Variants in NSUN3 observed in about 807,000 individuals in gnomAD.
The protein encoded by NSUN3 is tRNA (cytosine(34)-C(5))-methyltransferase, mitochondrial.
In NSUN3, 24 loss-of-function variants were observed where a neutral mutation model predicts 36.8. The observed-to-expected ratio is 0.65, with a 90% CI of 0.47 to 0.92. The LOEUF (loss-of-function observed/expected upper bound fraction) is 0.92, where lower values mean the gene tolerates loss of function less well. NSUN3 is among the 40% of genes least tolerant of loss of function. NSUN3 has a pLI of 0.00. For synonymous variants in NSUN3, 146 were observed against 145.2 expected (o/e 1.01, Z -0.04); for missense variants, 381 against 392.8 (o/e 0.97, Z 0.25).
At chr3:94,121,963 G>A (rs981227978) in intron 5 of NSUN3, among the ~76,000 whole-genome samples, 3 of 151,784 alleles carry the variant, frequency 2.0e-5, no homozygotes, top group African/African-American at 7.3e-5. Context: ...TGGCCAACAT[G>A]GTGAAACCCC....
chr3:94,081,526 G>GC (rs1285627283), intron 2 of NSUN3: 1 of 152,142 alleles, frequency 6.6e-6, no homozygotes, highest in African/African-American at 2.4e-5. Context: ...TTTTTAAAAT[G>GC]CACTGTTCTT....
intron 3 of NSUN3, among the ~76,000 whole-genome samples, chr3:94,088,263 A>G (rs2077300851): frequency 6.6e-6 from 1 of 152,190 alleles, no homozygotes; most frequent in African/African-American, 2.4e-5. Context: ...TGTGTTAATC[A>G]CATTGCTTAA....
chr3:94,073,162 A>T (rs533256592), intron 2 of NSUN3, among the ~76,000 whole-genome samples: 1 of 152,296 alleles, frequency 6.6e-6, no homozygotes, highest in Admixed American at 6.5e-5. Context: ...ATAGTATTTC[A>T]TGGGGTATAT....
intron 5 of NSUN3, among the ~76,000 whole-genome samples, chr3:94,098,347 C>T (rs2077351834): frequency 6.6e-6 from 1 of 152,150 alleles, no homozygotes; most frequent in Non-Finnish European, 1.5e-5. Flanking sequence ...TACATATCTC[C>T]AGTTGTGAGC....
Position 94,095,156 on chromosome 3 carries a change from T to G in NSUN3, c.743+2T>G, listed in dbSNP as rs371770889. The G allele has an allele frequency of 3.7e-6, 6 of 1,612,918 alleles. No homozygotes were observed. The African/African-American group carries it at 5.3e-5, about 14-fold the overall frequency. On this transcript the variant is annotated splice_donor_variant, in intron 5 of 5. Coordinates refer to ENST00000314622, the MANE Select transcript of NSUN3 (RefSeq NM_022072.5). LOFTEE classifies it high-confidence loss of function. ...TCTTCTACAGATAGAGCTGTTAAGG[T>G]AAGGACTGTTAATACAAAAGTGTAT...
At chr3:94,112,874 T>G (rs536853246) in intron 5 of NSUN3, among the ~76,000 whole-genome samples, 1 of 151,152 alleles carries the variant, frequency 6.6e-6, no homozygotes, top group African/African-American at 2.4e-5. Flanking sequence ...ACAAAACTCT[T>G]TTTTTTTTGA....
At chr3:94,092,533 G>A (rs1314237655) in intron 3 of NSUN3, among the ~76,000 whole-genome samples, 3 of 152,088 alleles carry the variant, frequency 2.0e-5, no homozygotes, top group Non-Finnish European at 4.4e-5. Context: ...TAGCTGTACA[G>A]ATGTGCTTTA....
intron 5 of NSUN3, among the ~76,000 whole-genome samples, chr3:94,105,782 T>G (rs2077386384): frequency 6.6e-6 from 1 of 152,102 alleles, no homozygotes; most frequent in African/African-American, 2.4e-5. Context: ...GAATAAACCC[T>G]TTTAAATCAT....
chr3:94,085,669 G>A (rs1464827759), intron 3 of NSUN3, among the ~76,000 whole-genome samples: 1 of 152,126 alleles, frequency 6.6e-6, no homozygotes, highest in East Asian at 1.9e-4. Flanking sequence ...TAAGGTAGGA[G>A]GATTGCTTGA....
intron 2 of NSUN3, among the ~76,000 whole-genome samples, chr3:94,065,919 C>T (rs1194240118): frequency 1.3e-5 from 2 of 152,076 alleles, no homozygotes; most frequent in Non-Finnish European, 2.9e-5. Context: ...AGAACAAACC[C>T]GTTAAGAGTT....
intron 2 of NSUN3, chr3:94,077,309 C>A (rs560523467): frequency 2.1e-6 from 1 of 471,956 alleles, no homozygotes; most frequent in South Asian, 3.0e-5. Context: ...GGTGGATAAG[C>A]TTATTGATGT....
At chr3:94,076,617 T>G in intron 2 of NSUN3, 1 of 932,206 alleles carries the variant, frequency 1.1e-6, no homozygotes, top group South Asian at 1.3e-5. Flanking sequence ...CCACTGAGAT[T>G]TGGCCAAGAA....
chr3:94,110,846 A>G (rs920999299), intron 5 of NSUN3, among the ~76,000 whole-genome samples: 1 of 151,414 alleles, frequency 6.6e-6, no homozygotes, highest in East Asian at 2.0e-4. Flanking sequence ...GTGTGTGTAT[A>G]TCTGCTTTGA....
chr3:94,071,156 T>A (rs2077223603), intron 2 of NSUN3, among the ~76,000 whole-genome samples: 1 of 152,212 alleles, frequency 6.6e-6, no homozygotes, highest in Non-Finnish European at 1.5e-5. Context: ...TAAGTATCCA[T>A]TTCTTACCAA....
At chr3:94,096,733 C>G (rs904468211) in intron 5 of NSUN3, among the ~76,000 whole-genome samples, 2 of 152,096 alleles carry the variant, frequency 1.3e-5, no homozygotes, top group Admixed American at 6.6e-5. Flanking sequence ...CTCCTGACCT[C>G]AAGTGATCTG....
At chr3:94,070,979 A>G (rs1200538801) in intron 2 of NSUN3, among the ~76,000 whole-genome samples, 1 of 152,260 alleles carries the variant, frequency 6.6e-6, no homozygotes, top group African/African-American at 2.4e-5. Context: ...AAACATTGCT[A>G]TAACAAAATA....
At chr3:94,107,115 G>A (rs1282820071) in intron 5 of NSUN3, among the ~76,000 whole-genome samples, 1 of 152,090 alleles carries the variant, frequency 6.6e-6, no homozygotes, top group Non-Finnish European at 1.5e-5. Context: ...ATTTTTTGTA[G>A]AAATGAGGTT....
chr3:94,101,757 A>G (rs1476730111), intron 5 of NSUN3, among the ~76,000 whole-genome samples: 1 of 152,180 alleles, frequency 6.6e-6, no homozygotes, highest in African/African-American at 2.4e-5. Context: ...GTTACATGCT[A>G]TGTTGTTCAT....
chr3:94,065,379 G>T (rs1385978574), intron 2 of NSUN3, among the ~76,000 whole-genome samples: 2 of 152,190 alleles, frequency 1.3e-5, no homozygotes, highest in Non-Finnish European at 2.9e-5. Flanking sequence ...TTGACAAAAA[G>T]AACTAGGCCT....
Sources: gnomAD v4.1 joint callset for allele counts (sites outside exome capture counted in the v4.1 genomes callset) on GRCh38, gnomAD v4.1.1 for gene constraint, MANE v1.5 for transcripts, NCBI Gene and HGNC (gene_info 2026-07-23, HGNC 2026-07-21) for gene names.